Variants in TRNT1 observed in about 807,000 individuals in gnomAD.
The protein encoded by TRNT1 is CCA tRNA nucleotidyltransferase 1, mitochondrial.
Under a neutral mutation model 45.6 loss-of-function variants are expected in TRNT1, and 44 were observed. The observed-to-expected ratio is 0.97, with a 90% CI of 0.76 to 1.24. The LOEUF is 1.24. Ranked by LOEUF, TRNT1 falls within the 50% of genes most tolerant of loss-of-function variation. The pLI is 0.00. For synonymous variants in TRNT1, 201 were observed against 171.4 expected (o/e 1.17, Z -1.35); for missense variants, 633 against 504.4 (o/e 1.25, Z -2.44).
downstream of TRNT1, chr3:3,152,420 AAAG>A (rs756590372): frequency 6.3e-7 from 1 of 1,588,798 alleles, no homozygotes; most frequent in Non-Finnish European, 8.5e-7. Flanking sequence ...TAAGGTAAAA[AAAG>A]AAAAAAAAAA....
intron 5 of TRNT1, chr3:3,145,088 G>C (rs771744): frequency 0.52 from 80,974 of 155,668 alleles, 23,053 homozygotes; most frequent in Middle Eastern, 0.69. Flanking sequence ...GAAAGTGTTC[G>C]CCTTCATACA....
chr3:3,148,395 A>ATAGT lies in TRNT1; in HGVS notation c.*243_*246dup, dbSNP rs1171666360. On this transcript the variant is annotated 3_prime_UTR_variant, in exon 8 of 8. Coordinates refer to ENST00000251607, the MANE Select transcript of TRNT1 (RefSeq NM_182916.3). ...TTGGAATAGTTTCACCTGAGAAAAC[A>ATAGT]TAGTTGGCTATTATCTATCTTAACC... 2.5e-6 allele frequency: 1 copy of ATAGT among 401,628 alleles called. No homozygotes were observed. The highest frequency in any genetic ancestry group is 4.5e-6 in the Non-Finnish European group (1 of 224,646). 24.9% of individuals were successfully genotyped at this position (401,628 alleles called of 1,614,324 possible).
At chr3:3,150,540 G>GAAAT (rs1316288922), downstream of TRNT1, 9 of 212,942 alleles carry the variant, frequency 4.2e-5, 1 homozygote, top group African/African-American at 1.9e-4. Context: ...TTTAACACAG[G>GAAAT]AAATAATCTC....
downstream of TRNT1, chr3:3,151,193 CCTAAAAACATTT>C (rs1458159934): frequency 1.1e-5 from 9 of 811,592 alleles, no homozygotes; most frequent in African/African-American, 7.0e-5. Flanking sequence ...TTCCCTGAAA[CCTAAAAACATTT>C]CTAAAAACAT....
At chr3:3,144,491 T>C in intron 4 of TRNT1, 93 bp from the exon 5 acceptor site, 1 of 1,248,572 alleles carries the variant, frequency 8.0e-7, no homozygotes, top group Admixed American at 2.3e-5. Context: ...TGCTGAATTT[T>C]TACTGTTTGT....
Position 3,138,607 on chromosome 3 carries a change from C to T in TRNT1, c.342+1154C>T, listed in dbSNP as rs529685602. On this transcript the variant is annotated intron_variant, in intron 3 of 7. Coordinates refer to ENST00000251607, the MANE Select transcript of TRNT1 (RefSeq NM_182916.3). ...TGGATCCTGGATTGCTGGGACTGACCTTCTAGTTTTATCTTTTGTCTTTAT... is the reference window on the plus strand; with the variant it reads ...TGGATCCTGGATTGCTGGGACTGACTTTCTAGTTTTATCTTTTGTCTTTAT... Among the ~76,000 whole-genome samples the T allele has an allele frequency of 1.1e-4, 16 of 152,180 alleles. No homozygotes were observed. In the South Asian group the frequency reaches 3.1e-3, roughly 30 times the overall value.
In TRNT1 at chr3:3,148,950, G is replaced by A. The variant is rs1275643572; in HGVS notation, c.*796G>A. 1.5e-5 allele frequency: 1 copy of A among 68,906 alleles called. No individual in the cohort carries two copies. The highest frequency in any genetic ancestry group is 3.9e-5 in the Non-Finnish European group (1 of 25,854). 4.3% of individuals were successfully genotyped at this position (68,906 alleles called of 1,614,324 possible). Reference sequence around the variant, plus strand: ...GTTATTTTATTAATTAAAAGGATATGGCTATTATTATATATTCTCTAAAGA... The same window carrying A: ...GTTATTTTATTAATTAAAAGGATATAGCTATTATTATATATTCTCTAAAGA... On this transcript the variant is annotated 3_prime_UTR_variant, in exon 8 of 8. Coordinates refer to ENST00000251607, the MANE Select transcript of TRNT1 (RefSeq NM_182916.3).
downstream of TRNT1, chr3:3,150,835 G>T: frequency 1.3e-6 from 2 of 1,556,694 alleles, no homozygotes; most frequent in East Asian, 2.3e-5. Context: ...TAACCAATTT[G>T]TTAGATAACT....
chr3:3,147,876 C>A, intron 7 of TRNT1, 30 bp from the exon 8 acceptor site: 1 of 1,588,878 alleles, frequency 6.3e-7, no homozygotes, highest in South Asian at 1.2e-5. Flanking sequence ...TCATGTGTGA[C>A]GAAACTAAAT....
chr3:3,149,256 AAAT>A (rs1267588547), downstream of TRNT1: 14 of 151,580 alleles, frequency 9.2e-5, no homozygotes, highest in Non-Finnish European at 1.8e-4. Flanking sequence ...ATGCATTATA[AAAT>A]AATACTTTGA....
intron 4 of TRNT1, among the ~76,000 whole-genome samples, chr3:3,143,646 G>A (rs1183404854): frequency 6.6e-6 from 1 of 152,188 alleles, no homozygotes; most frequent in Non-Finnish European, 1.5e-5. Flanking sequence ...GGGAGGCTGA[G>A]GCATGCAGAT....
intron 6 of TRNT1, 114 bp downstream of exon 6, chr3:3,146,737 T>A: frequency 9.9e-7 from 1 of 1,010,154 alleles, no homozygotes; most frequent in Non-Finnish European, 1.4e-6. Context: ...AGAAATGGAG[T>A]ATTTTAAAAT....
intron 3 of TRNT1, among the ~76,000 whole-genome samples, 189 bp from the exon 4 acceptor site, chr3:3,140,317 TTTGA>T (rs1306450895): frequency 3.3e-5 from 5 of 152,240 alleles, no homozygotes; most frequent in African/African-American, 4.8e-5. Context: ...AAATCAGTCT[TTTGA>T]TCTGTTTTTG....
In TRNT1 at chr3:3,137,342, T is replaced by C. The variant is rs114362638; in HGVS notation, c.231T>C (p.Asp77=). The C allele has an allele frequency of 5.5e-4, 887 of 1,613,938 alleles. 4 individuals carry two copies. The African/African-American group carries it at 0.011, about 19-fold the overall frequency. The change falls in exon 3 of 8, where the codon GAT becomes GAC. Residue 77 remains aspartate, a synonymous_variant. Coordinates refer to ENST00000251607, the MANE Select transcript of TRNT1 (RefSeq NM_182916.3). ...RDLLNGVKPQ[D]IDFATTATPT... is the part of the protein sequence containing the mutation. Reference sequence around the variant, plus strand: ...TATTAAATGGAGTAAAGCCTCAGGATATAGATTTTGCCACCACTGCTACCC... The same window carrying C: ...TATTAAATGGAGTAAAGCCTCAGGACATAGATTTTGCCACCACTGCTACCC...
At chr3:3,151,000 A>G, downstream of TRNT1, 2 of 1,613,992 alleles carry the variant, frequency 1.2e-6, no homozygotes, top group Non-Finnish European at 8.5e-7. Flanking sequence ...ACTTCCATCC[A>G]ATATGGCTTG....
chr3:3,136,630 A>T (rs1038228156), intron 2 of TRNT1: 2 of 434,690 alleles, frequency 4.6e-6, no homozygotes, highest in Admixed American at 2.6e-5. Flanking sequence ...AAGAAAGCAG[A>T]ATTGTTTGAT....
At chr3:3,138,870 T>C (rs1705478698) in intron 3 of TRNT1, among the ~76,000 whole-genome samples, 2 of 152,240 alleles carry the variant, frequency 1.3e-5, no homozygotes, top group South Asian at 4.1e-4. Flanking sequence ...TCAGGTTGGC[T>C]TTCCTTGAAT....
rs1705805 is a variant in TRNT1 at position 3,147,595 on chromosome 3, A to T, written c.948A>T (p.Ala316=). 6.2e-7 allele frequency: 1 copy of T among 1,613,650 alleles called. No individual in the cohort carries two copies. Among genetic ancestry groups the T allele is most frequent in the African/African-American group, 1.3e-5 (1 of 74,892 alleles). Residue 316 remains alanine (A), a synonymous_variant, in exon 7 of 8, where the codon GCA becomes GCT. Transcript: ENST00000251607. ...AATTGGATTTGAGGTTGAAGATCGC[A>T]AAAGAGGAGAAAAACCTTGGCTTAT... The part of the protein sequence containing the change: ...VTKLDLRLKI[A]KEEKNLGLFI...
At chr3:3,134,780 A>G (rs1488445513) in intron 2 of TRNT1, among the ~76,000 whole-genome samples, 1 of 152,176 alleles carries the variant, frequency 6.6e-6, no homozygotes, top group Non-Finnish European at 1.5e-5. Flanking sequence ...ATAAAGATGA[A>G]TAAGATAGGT....
Sources: gnomAD v4.1 joint callset for allele counts (sites outside exome capture counted in the v4.1 genomes callset) on GRCh38, gnomAD v4.1.1 for gene constraint, MANE v1.5 for transcripts, NCBI Gene and HGNC (gene_info 2026-07-23, HGNC 2026-07-21) for gene names.